Variants in FBXL7 observed in about 807,000 individuals in gnomAD.
FBXL7 encodes F-box and leucine rich repeat protein 7.
Under a neutral mutation model 38.3 loss-of-function variants are expected in FBXL7, and 12 were observed. That is an observed-to-expected ratio of 0.31 (90% CI 0.20 to 0.51). The LOEUF is 0.51. Ranked by LOEUF, FBXL7 falls within the 20% of genes least tolerant of loss-of-function variation. The probability of loss-of-function intolerance (pLI) is 0.98; values close to 1 mark genes in which losing one functional copy is unlikely to be tolerated. For missense variants in FBXL7, 567 were observed against 676.4 expected, an observed-to-expected ratio of 0.84 and a Z score of 1.79; for synonymous variants, 297 against 300.9, an observed-to-expected ratio of 0.99 and a Z score of 0.13.
At chr5:15,582,111 G>A (rs373728015) in intron 1 of FBXL7, among the ~76,000 whole-genome samples, 46 of 152,126 alleles carry the variant, frequency 3.0e-4, no homozygotes, top group African/African-American at 9.4e-4. Context: ...CTAATTTTTT[G>A]TGTTTTTAGT....
At chr5:15,504,702 A>G (rs555167850) in intron 1 of FBXL7, among the ~76,000 whole-genome samples, 1 of 152,280 alleles carries the variant, frequency 6.6e-6, no homozygotes, top group East Asian at 1.9e-4. Flanking sequence ...TATCTCTTTC[A>G]TAAAGTGTAA....
At chr5:15,573,059 C>T (rs1274063179) in intron 1 of FBXL7, among the ~76,000 whole-genome samples, 3 of 152,204 alleles carry the variant, frequency 2.0e-5, no homozygotes, top group Non-Finnish European at 4.4e-5. Context: ...GGTTAATCAC[C>T]TCCCCTTCCC....
At chr5:15,777,720 TAAAAAAAAAAA>T (rs371293320) in intron 2 of FBXL7, among the ~76,000 whole-genome samples, 7,802 of 82,656 alleles carry the variant, frequency 0.094, 279 homozygotes, top group East Asian at 0.17. Flanking sequence ...CCTATTCTGG[TAAAAAAAAAAA>T]AAAAAAAAAA....
intron 2 of FBXL7, among the ~76,000 whole-genome samples, chr5:15,652,833 C>G (rs576379946): frequency 6.6e-6 from 1 of 152,298 alleles, no homozygotes; most frequent in East Asian, 1.9e-4. Flanking sequence ...AACAGGGTGA[C>G]TGTAGTCAAA....
At chr5:15,686,795 G>A (rs1035817044) in intron 2 of FBXL7, among the ~76,000 whole-genome samples, 1 of 152,152 alleles carries the variant, frequency 6.6e-6, no homozygotes, top group Admixed American at 6.6e-5. Context: ...GAAGGAAAAT[G>A]TACCAGAAAT....
In FBXL7 at chr5:15,576,003, G is replaced by A. The variant is rs956004964; in HGVS notation, c.38-39980G>A. Among the ~76,000 whole-genome samples, 3 of 147,700 alleles carry A rather than the reference G, an allele frequency of 2.0e-5. No homozygotes were observed. The Admixed American group carries it at 2.0e-4, about 10-fold the overall frequency. On this transcript the variant is annotated intron_variant, in intron 1 of 3. Coordinates refer to ENST00000504595, the MANE Select transcript of FBXL7 (RefSeq NM_012304.5). ...GTTTTTTTGTGTTTGATTTATATTT[G>A]TAAATGGTAAGTGAGTTTAGTGATT...
chr5:15,803,826 G>A (rs1375738064), intron 2 of FBXL7, among the ~76,000 whole-genome samples: 2 of 152,174 alleles, frequency 1.3e-5, no homozygotes, highest in African/African-American at 2.4e-5. Context: ...CTGTGCAAGT[G>A]AGGAAATCAG....
intron 2 of FBXL7, among the ~76,000 whole-genome samples, chr5:15,652,425 C>T (rs1295573380): frequency 2.0e-5 from 3 of 152,120 alleles, no homozygotes; most frequent in Non-Finnish European, 4.4e-5. Context: ...CGCCACCAAG[C>T]CCGGCTAATT....
At chr5:15,709,794 A>T (rs1278487454) in intron 2 of FBXL7, among the ~76,000 whole-genome samples, 1 of 152,192 alleles carries the variant, frequency 6.6e-6, no homozygotes, top group Non-Finnish European at 1.5e-5. Context: ...AGGTGCTGGC[A>T]GATTTGGTAT....
intron 2 of FBXL7, among the ~76,000 whole-genome samples, chr5:15,862,163 C>G (rs1424610500): frequency 1.3e-5 from 2 of 152,186 alleles, no homozygotes; most frequent in Non-Finnish European, 1.5e-5. Flanking sequence ...GGGAGGGATC[C>G]TGTGGAAGAT....
intron 2 of FBXL7, among the ~76,000 whole-genome samples, chr5:15,621,904 A>T (rs562838619): frequency 6.6e-6 from 1 of 151,476 alleles, no homozygotes; most frequent in Admixed American, 6.6e-5. Context: ...CAATACACTC[A>T]TTTTTTTTTA....
chr5:15,811,525 C>A (rs888506380), intron 2 of FBXL7, among the ~76,000 whole-genome samples: 2 of 151,992 alleles, frequency 1.3e-5, no homozygotes, highest in African/African-American at 4.8e-5. Flanking sequence ...TTTTTAGAGA[C>A]CTTATATCCA....
intron 1 of FBXL7, among the ~76,000 whole-genome samples, chr5:15,544,865 T>C (rs1400092366): frequency 1.3e-5 from 2 of 152,246 alleles, no homozygotes; most frequent in Non-Finnish European, 2.9e-5. Context: ...CTTCATTCTT[T>C]TTAGCCGTCT....
intron 2 of FBXL7, among the ~76,000 whole-genome samples, chr5:15,741,050 A>G (rs1280514313): frequency 2.0e-5 from 3 of 152,310 alleles, no homozygotes; most frequent in Admixed American, 6.5e-5. Flanking sequence ...GCTCAGATAA[A>G]TAACTCTTAG....
chr5:15,733,464 T>G (rs1735667053), intron 2 of FBXL7, among the ~76,000 whole-genome samples: 1 of 152,226 alleles, frequency 6.6e-6, no homozygotes, highest in African/African-American at 2.4e-5. Context: ...CTAAAATGAT[T>G]GATGGAGTCC....
intron 2 of FBXL7, among the ~76,000 whole-genome samples, chr5:15,846,712 TA>T (rs1474853676): frequency 5.9e-5 from 9 of 152,204 alleles, no homozygotes; most frequent in African/African-American, 2.2e-4. Flanking sequence ...CAGCTCAAGT[TA>T]CATTCTTGGG....
chr5:15,929,424 G>A (rs1233339288), intron 3 of FBXL7, among the ~76,000 whole-genome samples: 2 of 152,122 alleles, frequency 1.3e-5, no homozygotes, highest in African/African-American at 4.8e-5. Flanking sequence ...TTAGAGACGA[G>A]CCTGAGCAAC....
chr5:15,534,149 A>G (rs1737515321), intron 1 of FBXL7, among the ~76,000 whole-genome samples: 1 of 152,146 alleles, frequency 6.6e-6, no homozygotes, highest in Admixed American at 6.5e-5. Context: ...TATGTTTGTT[A>G]CAATCAGTAA....
intron 1 of FBXL7, among the ~76,000 whole-genome samples, chr5:15,559,431 G>A (rs1313024256): frequency 6.6e-6 from 1 of 152,002 alleles, no homozygotes; most frequent in Admixed American, 6.6e-5. Context: ...TGTTTAAAAA[G>A]GTCCCTGAAC....
Sources: gnomAD v4.1 joint callset for allele counts (sites outside exome capture counted in the v4.1 genomes callset) on GRCh38, gnomAD v4.1.1 for gene constraint, MANE v1.5 for transcripts, NCBI Gene and HGNC (gene_info 2026-07-23, HGNC 2026-07-21) for gene names.